FER1L6: variants seen among roughly 807,000 people sequenced by gnomAD.
FER1L6 encodes the protein fer-1 like family member 6.
FER1L6 carries 177 observed loss-of-function variants against 219.2 expected under a neutral mutation model. The observed-to-expected ratio is 0.81, with a 90% confidence interval of 0.71 to 0.91. The LOEUF (loss-of-function observed/expected upper bound fraction) is 0.91, where lower values mean the gene tolerates loss of function less well. Ranked by LOEUF, FER1L6 falls within the 40% of genes least tolerant of loss-of-function variation. FER1L6 has a pLI of 0.00. For synonymous variants in FER1L6, 768 were observed against 824.3 expected (o/e 0.93, Z 1.17); for missense variants, 2,153 against 2,259.9 (o/e 0.95, Z 0.96).
intron 10 of FER1L6, among the ~76,000 whole-genome samples, chr8:123,978,107 TGGG>T (rs1335639783): frequency 6.6e-6 from 1 of 152,198 alleles, no homozygotes; most frequent in Non-Finnish European, 1.5e-5. Context: ...AGCCAGGCTC[TGGG>T]AGCCAGGAGG....
At chr8:123,922,466 G>A (rs1048681317) in intron 1 of FER1L6, among the ~76,000 whole-genome samples, 2 of 152,204 alleles carry the variant, frequency 1.3e-5, no homozygotes, top group African/African-American at 4.8e-5. Context: ...TCAGAAGCAG[G>A]CTTAGGCTCT....
chr8:123,922,979 C>G (rs536321733), intron 1 of FER1L6, among the ~76,000 whole-genome samples: 21 of 152,150 alleles, frequency 1.4e-4, no homozygotes, highest in African/African-American at 3.1e-4. Flanking sequence ...ACAGCCCCCC[C>G]CCAGACCCCC....
intron 1 of FER1L6, among the ~76,000 whole-genome samples, chr8:123,907,935 G>T (rs1164601661): frequency 1.3e-5 from 2 of 151,836 alleles, no homozygotes; most frequent in African/African-American, 2.4e-5. Flanking sequence ...GCGAAAATTT[G>T]CTCTGTTTAT....
At chr8:124,072,208 G>A (rs1188734569) in intron 31 of FER1L6, among the ~76,000 whole-genome samples, 3 of 152,162 alleles carry the variant, frequency 2.0e-5, no homozygotes, top group Non-Finnish European at 4.4e-5. Context: ...GGCAGAACAG[G>A]GCAGCTGTTA....
At chr8:123,912,749 C>T (rs1038838155) in intron 1 of FER1L6, among the ~76,000 whole-genome samples, 1 of 152,160 alleles carries the variant, frequency 6.6e-6, no homozygotes, top group Non-Finnish European at 1.5e-5. Context: ...TCCAGGGTCA[C>T]AGTCACTGTG....
intron 13 of FER1L6, among the ~76,000 whole-genome samples, chr8:124,009,783 C>T (rs1474804902): frequency 2.7e-5 from 4 of 149,650 alleles, no homozygotes; most frequent in Admixed American, 2.6e-4. Context: ...TGTTGTAGTT[C>T]CAGGGTCAGG....
At chr8:124,057,215 T>G (rs1820338244) in intron 22 of FER1L6, among the ~76,000 whole-genome samples, 1 of 152,208 alleles carries the variant, frequency 6.6e-6, no homozygotes, top group African/African-American at 2.4e-5. Flanking sequence ...TTAAATTTCC[T>G]CTTAGGTTTT....
At chr8:124,012,303 C>G (rs952205972) in intron 14 of FER1L6, among the ~76,000 whole-genome samples, 1 of 152,230 alleles carries the variant, frequency 6.6e-6, no homozygotes, top group Non-Finnish European at 1.5e-5. Context: ...GAGGCCTAGT[C>G]TGGGGTCACA....
At chr8:124,090,850 GGTAGGGA>G (rs1252082742) in intron 33 of FER1L6, among the ~76,000 whole-genome samples, 1 of 152,170 alleles carries the variant, frequency 6.6e-6, no homozygotes, top group East Asian at 1.9e-4. Context: ...GGGGTGGTGG[GGTAGGGA>G]GAAGGGAGGG....
At chr8:123,945,079 C>T (rs1814428722) in intron 1 of FER1L6, among the ~76,000 whole-genome samples, 1 of 152,206 alleles carries the variant, frequency 6.6e-6, no homozygotes, top group Middle Eastern at 3.2e-3. Flanking sequence ...GTGAGTTTAT[C>T]ATCTTCAGTA....
intron 1 of FER1L6, among the ~76,000 whole-genome samples, chr8:123,953,395 T>G (rs1299491034): frequency 6.6e-6 from 1 of 152,178 alleles, no homozygotes; most frequent in Non-Finnish European, 1.5e-5. Flanking sequence ...CGTAGAGTAA[T>G]TAAAGATCTC....
chr8:124,097,644 ACCAAGC>A, intron 36 of FER1L6, 135 bp from the exon 37 acceptor site: 1 of 621,808 alleles, frequency 1.6e-6, no homozygotes, highest in South Asian at 2.0e-5. Context: ...TTCTGACAGA[ACCAAGC>A]CCCTAAGTGT....
chr8:123,901,372 G>A (rs1218007212), intron 1 of FER1L6, among the ~76,000 whole-genome samples: 5 of 152,088 alleles, frequency 3.3e-5, no homozygotes, highest in Admixed American at 6.6e-5. Context: ...GTTTCTTAGC[G>A]ATGTTATTTG....
intron 11 of FER1L6, chr8:123,985,520 C>A (rs531145226): frequency 6.5e-6 from 1 of 153,022 alleles, no homozygotes; most frequent in Non-Finnish European, 1.5e-5. Flanking sequence ...GTATACTTGG[C>A]GAAGTTACTT....
chr8:124,076,150 C>A, intron 31 of FER1L6, 48 bp from the exon 32 acceptor site: 1 of 1,608,498 alleles, frequency 6.2e-7, no homozygotes, highest in Non-Finnish European at 8.5e-7. Context: ...AGTGTACAAC[C>A]AATGTTGAGA....
chr8:124,096,087 T>C lies in FER1L6; in HGVS notation c.4695+1049T>C, dbSNP rs1203195475. On this transcript the variant is annotated intron_variant, in intron 35 of 40. Transcript: ENST00000522917. ...CTGCTATCCCAGAGTTATTGGGATA[T>C]AGACCTAGTGATTGCACGTGTGGAC... Among the ~76,000 whole-genome samples, 3 of 152,216 alleles carry C rather than the reference T, an allele frequency of 2.0e-5. No individual in the cohort carries two copies. In the South Asian group the frequency reaches 6.2e-4, roughly 32 times the overall value.
chr8:123,900,787 T>C (rs1464933528), intron 1 of FER1L6, among the ~76,000 whole-genome samples: 2 of 152,224 alleles, frequency 1.3e-5, no homozygotes. Context: ...TAATTCTGTT[T>C]ATGTGGAGTA....
chr8:124,110,709 CA>C (rs1822986205), intron 39 of FER1L6, among the ~76,000 whole-genome samples: 1 of 152,066 alleles, frequency 6.6e-6, no homozygotes, highest in African/African-American at 2.4e-5. Context: ...AACTAGTTCT[CA>C]GGAGGAATTC....
intron 12 of FER1L6, among the ~76,000 whole-genome samples, chr8:123,995,559 CT>C (rs961568147): frequency 1.7e-4 from 25 of 150,744 alleles, no homozygotes; most frequent in African/African-American, 5.1e-4. Flanking sequence ...TGGGTCTTCT[CT>C]TTTTTTTTAG....
Sources: allele counts gnomAD v4.1 joint callset (sites outside exome capture counted in the v4.1 genomes callset), GRCh38; gene constraint gnomAD v4.1.1; transcripts MANE v1.5; gene names NCBI Gene and HGNC (gene_info 2026-07-23, HGNC 2026-07-21).